Variants in TMEM138 observed in about 807,000 individuals in gnomAD.
The protein encoded by TMEM138 is transmembrane protein 138.
In TMEM138, 9 loss-of-function variants were observed where a neutral mutation model predicts 18.1. The ratio of observed to expected loss-of-function variants is 0.50; its 90% confidence interval spans 0.30 to 0.87. The LOEUF is 0.87. Among genes scored for constraint, TMEM138 ranks in the 40% least tolerant of loss-of-function variants. The pLI is 0.06. For missense variants in TMEM138, 189 were observed against 190.6 expected, an observed-to-expected ratio of 0.99 and a Z score of 0.05; for synonymous variants, 79 against 74.8, an observed-to-expected ratio of 1.06 and a Z score of -0.29.
At chr11:61,367,642 C>A in intron 3 of TMEM138, 1 of 337,392 alleles carries the variant, frequency 3.0e-6, no homozygotes. Flanking sequence ...ACCAGCTGAA[C>A]TCCTGAGATA....
chr11:61,371,662 A>G (rs1316451284), downstream of TMEM138, among the ~76,000 whole-genome samples: 2 of 152,242 alleles, frequency 1.3e-5, no homozygotes, highest in Non-Finnish European at 2.9e-5. Context: ...GAGGACAATA[A>G]TCCATGACAA....
At chr11:61,372,945 G>GA (rs1298927936), downstream of TMEM138, among the ~76,000 whole-genome samples, 1 of 151,354 alleles carries the variant, frequency 6.6e-6, no homozygotes, top group Non-Finnish European at 1.5e-5. Flanking sequence ...GTTTGCCTAG[G>GA]AAAAAAACAG....
chr11:61,368,468 C>T (rs965672779), intron 4 of TMEM138, 129 bp from the exon 5 acceptor site: 47 of 623,716 alleles, frequency 7.5e-5, no homozygotes, highest in East Asian at 5.9e-4. Context: ...CCTCATGATC[C>T]GCCTGCCTCT....
intron 1 of TMEM138, chr11:61,362,666 G>A (rs753562919): frequency 1.3e-5 from 2 of 152,226 alleles, no homozygotes; most frequent in Non-Finnish European, 2.9e-5. Flanking sequence ...ATCGTCGTAC[G>A]TAGAGACAGG....
downstream of TMEM138, among the ~76,000 whole-genome samples, chr11:61,371,072 G>C (rs535607409): frequency 6.6e-6 from 1 of 152,166 alleles, no homozygotes; most frequent in African/African-American, 2.4e-5. Flanking sequence ...GTCTAGCTCT[G>C]TCACCAGGCT....
intron 4 of TMEM138, chr11:61,368,298 T>C: frequency 1.9e-6 from 1 of 528,716 alleles, no homozygotes; most frequent in Non-Finnish European, 3.5e-6. Context: ...TATCTCAGGC[T>C]CACTGCAAGC....
chr11:61,376,719 G>A (rs1010637164), downstream of TMEM138, among the ~76,000 whole-genome samples: 2 of 152,104 alleles, frequency 1.3e-5, no homozygotes, highest in African/African-American at 4.8e-5. Flanking sequence ...TTCCAGGATT[G>A]TTCTTTTGTT....
chr11:61,375,224 C>CT (rs1858419964), downstream of TMEM138, among the ~76,000 whole-genome samples: 1 of 151,272 alleles, frequency 6.6e-6, no homozygotes, highest in Non-Finnish European at 1.5e-5. Context: ...CTATTTATAG[C>CT]TTTAACAATT....
chr11:61,364,920 G>T (rs1331082100), intron 2 of TMEM138: 2 of 153,658 alleles, frequency 1.3e-5, no homozygotes, highest in Non-Finnish European at 2.9e-5. Context: ...AGGTGTGGTG[G>T]TTCACGCTTG....
chr11:61,376,527 CTTTTTTCCAT>C (rs974134832), downstream of TMEM138, among the ~76,000 whole-genome samples: 2 of 151,920 alleles, frequency 1.3e-5, no homozygotes, highest in Admixed American at 6.6e-5. Flanking sequence ...TTTTTTTCTT[CTTTTTTCCAT>C]TTTTTTCCAA....
chr11:61,371,165 G>A (rs1005938830), downstream of TMEM138, among the ~76,000 whole-genome samples: 1 of 152,198 alleles, frequency 6.6e-6, no homozygotes, highest in African/African-American at 2.4e-5. Flanking sequence ...CTTCCCAGTA[G>A]CTGGGATTAT....
downstream of TMEM138, among the ~76,000 whole-genome samples, chr11:61,376,826 C>T (rs897165035): frequency 4.6e-5 from 7 of 152,150 alleles, no homozygotes; most frequent in Non-Finnish European, 1.0e-4. Flanking sequence ...TCAGGACCTA[C>T]TCGTCTAGAA....
chr11:61,368,412 A>T, intron 4 of TMEM138, 185 bp from the exon 5 acceptor site: 2 of 547,250 alleles, frequency 3.7e-6, no homozygotes, highest in Non-Finnish European at 6.6e-6. Context: ...TATTTTTAGT[A>T]GAGACAGGGT....
At chr11:61,372,011 G>C (rs996502913), downstream of TMEM138, among the ~76,000 whole-genome samples, 1 of 151,732 alleles carries the variant, frequency 6.6e-6, no homozygotes, top group African/African-American at 2.4e-5. Context: ...CCCTGTCTCT[G>C]CTAAGAATAC....
At chr11:61,368,555 C>A in intron 4 of TMEM138, 42 bp from the exon 5 acceptor site, 1 of 1,422,422 alleles carries the variant, frequency 7.0e-7, no homozygotes, top group Non-Finnish European at 9.9e-7. Flanking sequence ...AAATGATACT[C>A]AGGAGCACCC....
chr11:61,372,260 T>G (rs1031876749), downstream of TMEM138, among the ~76,000 whole-genome samples: 1 of 151,944 alleles, frequency 6.6e-6, no homozygotes, highest in South Asian at 2.1e-4. Context: ...CACAGAAATG[T>G]TTGCAGTTAA....
chr11:61,364,489 G>C lies in TMEM138; in HGVS notation c.99G>C (p.Lys33Asn), dbSNP rs750452514. ...ATTCCTTCTCAGAACTGCTCCAAAA[G>C]ACTCCTGTCATCCAGCTTGTGCTCT... The part of the protein sequence containing the change: ...FVNSFSELLQ[K>N]TPVIQLVLFI... Residue 33 changes from lysine to asparagine, a missense_variant, in exon 2 of 5, where the codon AAG (lysine) becomes AAC (asparagine). Lys to Asn is a moderately conservative substitution (Grantham distance 94). Coordinates refer to ENST00000278826, the MANE Select transcript of TMEM138 (RefSeq NM_016464.5). 1.2e-6 allele frequency: 2 copies of C among 1,614,202 alleles called. No individual in the cohort carries two copies. The highest frequency in any genetic ancestry group is 1.7e-5 in the Admixed American group (1 of 60,026).
At chr11:61,375,414 G>A (rs1484937561), downstream of TMEM138, among the ~76,000 whole-genome samples, 7 of 142,844 alleles carry the variant, frequency 4.9e-5, no homozygotes, top group Admixed American at 1.5e-4. Context: ...CCTCTGACTC[G>A]CAGGTTCAAA....
chr11:61,363,573 T>A (rs575205195), intron 1 of TMEM138: 1 of 152,360 alleles, frequency 6.6e-6, no homozygotes, highest in East Asian at 1.9e-4. Context: ...AAGAAACAAC[T>A]GCCACTGTGT....
Sources: allele counts gnomAD v4.1 joint callset (sites outside exome capture counted in the v4.1 genomes callset), GRCh38; gene constraint gnomAD v4.1.1; transcripts MANE v1.5; gene names NCBI Gene and HGNC (gene_info 2026-07-23, HGNC 2026-07-21).